Variants in ARHGEF10 observed in about 807,000 individuals in gnomAD.
ARHGEF10 encodes Rho guanine nucleotide exchange factor (GEF) 10.
In ARHGEF10, 140 loss-of-function variants were observed where a neutral mutation model predicts 147.4. The observed-to-expected ratio is 0.95, with a 90% CI of 0.83 to 1.09. The LOEUF (loss-of-function observed/expected upper bound fraction) is 1.09. Among genes scored for constraint, ARHGEF10 ranks in the 50% least tolerant of loss-of-function variants. ARHGEF10 has a pLI of 0.00. For synonymous variants in ARHGEF10, 902 were observed against 695.8 expected (o/e 1.30, Z -4.67); for missense variants, 2,222 against 1,752.7 (o/e 1.27, Z -4.78).
chr8:1,918,460 C>CTGTGTGTGTGTG (rs60519090), intron 18 of ARHGEF10, among the ~76,000 whole-genome samples: 184 of 140,934 alleles, frequency 1.3e-3, no homozygotes, highest in African/African-American at 4.3e-3. Context: ...CATTTGATGG[C>CTGTGTGTGTGTG]TGTGTGTGTG....
rs145286694 is a variant in ARHGEF10, at chr8:1,920,051, C to CGTGGGTGATGGAGCTGTTCT, written c.2144-2849_2144-2830dup. 4.3e-4 allele frequency among the ~76,000 whole-genome samples: 47 copies of CGTGGGTGATGGAGCTGTTCT among 109,898 alleles called. 1 individual carries two copies. Among genetic ancestry groups the CGTGGGTGATGGAGCTGTTCT allele is most frequent in the South Asian group, 1.2e-3 (4 of 3,448 alleles). The allele number at this position is 109,898 out of a possible 152,430, so 72.1% of individuals were successfully genotyped here. The stretch of plus-strand genomic sequence containing the variant: ...TGTTCTATGGGTGATGGAGCTGTTC[C>CGTGGGTGATGGAGCTGTTCT]GTGGGTGATGGAGCTGTTCTGTGGG... On this transcript the variant is annotated intron_variant, in intron 18 of 28. Transcript: ENST00000349830.
At chr8:1,864,049 G>C (rs191882553) in intron 4 of ARHGEF10, among the ~76,000 whole-genome samples, 1 of 151,210 alleles carries the variant, frequency 6.6e-6, no homozygotes, top group African/African-American at 2.4e-5. Flanking sequence ...TCTGGGTGCC[G>C]GTCACAGCCG....
intron 21 of ARHGEF10, among the ~76,000 whole-genome samples, chr8:1,924,900 A>G (rs1812569142): frequency 6.6e-6 from 1 of 152,174 alleles, no homozygotes; most frequent in African/African-American, 2.4e-5. Context: ...CCATGTTTTA[A>G]AGTTTCTCAG....
chr8:1,882,095 C>A (rs903673645), intron 9 of ARHGEF10, among the ~76,000 whole-genome samples: 2 of 152,176 alleles, frequency 1.3e-5, no homozygotes, highest in South Asian at 4.1e-4. Flanking sequence ...TGCACCCCGA[C>A]CCTCCCTCAG....
intron 28 of ARHGEF10, among the ~76,000 whole-genome samples, chr8:1,953,643 C>A (rs950331946): frequency 1.6e-5 from 1 of 63,198 alleles, no homozygotes; most frequent in South Asian, 5.7e-4. Flanking sequence ...TTTAACAGCA[C>A]GAAACAGGAG....
intron 7 of ARHGEF10, among the ~76,000 whole-genome samples, chr8:1,873,191 C>T (rs950508674): frequency 5.3e-5 from 8 of 152,264 alleles, no homozygotes; most frequent in East Asian, 1.9e-4. Context: ...CTCACGCCGC[C>T]GCAGGAGGGC....
chr8:1,827,980 A>G (rs548609271), intron 1 of ARHGEF10, among the ~76,000 whole-genome samples: 1 of 152,330 alleles, frequency 6.6e-6, no homozygotes, highest in South Asian at 2.1e-4. Context: ...CTGCATCAGC[A>G]TTGGCTAGTT....
chr8:1,873,172 C>T (rs1017231867), intron 7 of ARHGEF10, among the ~76,000 whole-genome samples: 5 of 152,088 alleles, frequency 3.3e-5, no homozygotes, highest in East Asian at 3.9e-4. Context: ...AGCCAGTTTC[C>T]GAAAGAAACT....
At chr8:1,892,729 G>A (rs1809645428) in intron 11 of ARHGEF10, among the ~76,000 whole-genome samples, 1 of 152,016 alleles carries the variant, frequency 6.6e-6, no homozygotes, top group Admixed American at 6.6e-5. Context: ...GTGTGGTGTG[G>A]TGTGCCCGGG....
At chr8:1,909,092 C>G (rs1811147722) in intron 17 of ARHGEF10, among the ~76,000 whole-genome samples, 1 of 152,206 alleles carries the variant, frequency 6.6e-6, no homozygotes, top group Non-Finnish European at 1.5e-5. Flanking sequence ...TCCCTGCACT[C>G]TCTCTCATCC....
At chr8:1,910,966 C>G (rs1811312064) in intron 18 of ARHGEF10, among the ~76,000 whole-genome samples, 2 of 152,126 alleles carry the variant, frequency 1.3e-5, no homozygotes, top group Admixed American at 6.6e-5. Flanking sequence ...TAGATTGATT[C>G]AGTTAGCAAT....
chr8:1,884,677 C>G (rs1174323114), intron 10 of ARHGEF10, among the ~76,000 whole-genome samples: 1 of 152,184 alleles, frequency 6.6e-6, no homozygotes, highest in African/African-American at 2.4e-5. Context: ...AGGTTTCTAT[C>G]ATCTAAAAGT....
At chr8:1,883,271 G>A (rs997929831) in intron 10 of ARHGEF10, among the ~76,000 whole-genome samples, 3 of 152,086 alleles carry the variant, frequency 2.0e-5, no homozygotes, top group African/African-American at 7.2e-5. Flanking sequence ...CGTGCACGGC[G>A]GCAACAAGCA....
intron 16 of ARHGEF10, chr8:1,903,755 T>C (rs1247898496): frequency 6.8e-6 from 3 of 443,508 alleles, no homozygotes; most frequent in Non-Finnish European, 1.2e-5. Context: ...TACTTTTCCT[T>C]TCAAAATAAC....
At chr8:1,935,210 C>T (rs939345624) in intron 26 of ARHGEF10, among the ~76,000 whole-genome samples, 3 of 152,004 alleles carry the variant, frequency 2.0e-5, no homozygotes, top group Non-Finnish European at 4.4e-5. Context: ...CACACACGCA[C>T]ACCCCCCACA....
In ARHGEF10 at chr8:1,952,789, T is replaced by G. The variant is rs1815164468; in HGVS notation, c.3482T>G (p.Leu1161Arg). The G allele has an allele frequency of 1.2e-6, 2 of 1,613,866 alleles. No homozygotes were observed. The highest frequency in any genetic ancestry group is 1.7e-6 in the Non-Finnish European group (2 of 1,180,052). Residue 1161 changes from leucine (L) to arginine (R), a missense_variant, in exon 28 of 29, where the codon CTG (leucine) becomes CGG (arginine). By Grantham distance (102) the Leu-to-Arg change is moderately radical. Coordinates refer to ENST00000349830, the MANE Select transcript of ARHGEF10 (RefSeq NM_014629.4). ...VGTSLGVLVALPVPRLQGIPK... is the reference protein window; with the variant it reads ...VGTSLGVLVARPVPRLQGIPK... ...ACCAGCCTGGGAGTCCTCGTGGCCC[T>G]GCCGGTCCCACGTCTGCAAGGGATT...
chr8:1,942,491 ACT>A (rs1420723062), intron 26 of ARHGEF10, among the ~76,000 whole-genome samples: 1 of 151,594 alleles, frequency 6.6e-6, no homozygotes, highest in Non-Finnish European at 1.5e-5. Flanking sequence ...ATGCTGGGAG[ACT>A]CTTGCTGGTG....
chr8:1,859,229 G>A (rs1417914692), intron 3 of ARHGEF10, among the ~76,000 whole-genome samples: 4 of 151,384 alleles, frequency 2.6e-5, no homozygotes, highest in South Asian at 2.1e-4. Context: ...CCTGCCTCTC[G>A]GTTGTTTGCC....
At chr8:1,863,936 C>A (rs1270847954) in intron 4 of ARHGEF10, among the ~76,000 whole-genome samples, 1 of 151,962 alleles carries the variant, frequency 6.6e-6, no homozygotes, top group African/African-American at 2.4e-5. Flanking sequence ...ATCTTTTGAG[C>A]GTGCCAGGCG....
Sources: allele counts gnomAD v4.1 joint callset (sites outside exome capture counted in the v4.1 genomes callset), GRCh38; gene constraint gnomAD v4.1.1; transcripts MANE v1.5; gene names NCBI Gene and HGNC (gene_info 2026-07-23, HGNC 2026-07-21).